Variants in STK32B observed in about 807,000 individuals in gnomAD.
STK32B encodes the protein serine/threonine kinase 32B, also known as serine/threonine-protein kinase 32B.
Under a neutral mutation model 52.6 loss-of-function variants are expected in STK32B, and 43 were observed. The ratio of observed to expected loss-of-function variants is 0.82; its 90% CI spans 0.64 to 1.05. The LOEUF (loss-of-function observed/expected upper bound fraction) is 1.05, where lower values mean the gene tolerates loss of function less well. Ranked by LOEUF, STK32B falls within the 50% of genes least tolerant of loss-of-function variation. The pLI, the probability that STK32B is intolerant of heterozygous loss-of-function variation, is 0.00. For missense variants in STK32B, 621 were observed against 534.6 expected, an observed-to-expected ratio of 1.16 and a Z score of -1.59; for synonymous variants, 238 against 204.3, an observed-to-expected ratio of 1.17 and a Z score of -1.41.
At chr4:5,388,247 C>G (rs952442356) in intron 4 of STK32B, among the ~76,000 whole-genome samples, 7 of 152,192 alleles carry the variant, frequency 4.6e-5, no homozygotes, top group Admixed American at 3.9e-4. Context: ...GGCGTCCACT[C>G]CTCCATGTTT....
intron 2 of STK32B, among the ~76,000 whole-genome samples, chr4:5,160,443 C>T (rs963753338): frequency 4.6e-5 from 7 of 152,320 alleles, no homozygotes; most frequent in Middle Eastern, 3.4e-3. Flanking sequence ...GCTGTGCCCT[C>T]TCCTGGTAAC....
chr4:5,416,991 C>T, intron 6 of STK32B, 57 bp downstream of exon 6: 1 of 1,486,530 alleles, frequency 6.7e-7, no homozygotes, highest in Non-Finnish European at 9.2e-7. Context: ...TAAGACTCAG[C>T]ATCCTTCTCT....
At chr4:5,174,003 A>ATATATTTAGGGTAGT (rs1719611254) in intron 3 of STK32B, among the ~76,000 whole-genome samples, 1 of 152,174 alleles carries the variant, frequency 6.6e-6, no homozygotes, top group Non-Finnish European at 1.5e-5. Flanking sequence ...TTGGGTGCAT[A>ATATATTTAGGGTAGT]TATATTTAGG....
At chr4:5,342,618 T>G (rs1200506623) in intron 4 of STK32B, among the ~76,000 whole-genome samples, 1 of 152,088 alleles carries the variant, frequency 6.6e-6, no homozygotes, top group African/African-American at 2.4e-5. Flanking sequence ...CTCCCCAGGA[T>G]CCAATCACCT....
chr4:5,121,849 A>G (rs1439724625), intron 1 of STK32B, among the ~76,000 whole-genome samples: 2 of 152,152 alleles, frequency 1.3e-5, no homozygotes, highest in Non-Finnish European at 2.9e-5. Flanking sequence ...CATCCTGTTC[A>G]GGAGACTTGT....
intron 5 of STK32B, among the ~76,000 whole-genome samples, chr4:5,413,156 A>AC (rs1188736410): frequency 1.3e-5 from 2 of 151,960 alleles, no homozygotes; most frequent in Non-Finnish European, 2.9e-5. Context: ...CCCTATAACT[A>AC]CCCCACAAGG....
At chr4:5,304,999 TAC>T (rs1560300686) in intron 3 of STK32B, among the ~76,000 whole-genome samples, 3 of 152,198 alleles carry the variant, frequency 2.0e-5, no homozygotes, top group African/African-American at 7.2e-5. Context: ...TTTATTGACT[TAC>T]ATATGTGAAA....
intron 4 of STK32B, among the ~76,000 whole-genome samples, chr4:5,374,962 C>A (rs1409198199): frequency 6.6e-6 from 1 of 152,162 alleles, no homozygotes; most frequent in Non-Finnish European, 1.5e-5. Context: ...ATACTAGAGT[C>A]CAATTGAGAC....
intron 3 of STK32B, among the ~76,000 whole-genome samples, chr4:5,249,101 C>G (rs1238614971): frequency 1.3e-5 from 2 of 152,094 alleles, no homozygotes; most frequent in African/African-American, 2.4e-5. Flanking sequence ...AATAAAGATA[C>G]TATGCCTTTC....
At chr4:5,182,301 T>C (rs1000607940) in intron 3 of STK32B, among the ~76,000 whole-genome samples, 1 of 152,154 alleles carries the variant, frequency 6.6e-6, no homozygotes, top group Non-Finnish European at 1.5e-5. Flanking sequence ...TCTAAACTCC[T>C]GTTAATGGTG....
intron 1 of STK32B, among the ~76,000 whole-genome samples, chr4:5,080,101 A>G (rs914849266): frequency 5.3e-5 from 8 of 152,116 alleles, no homozygotes; most frequent in Non-Finnish European, 1.0e-4. Flanking sequence ...CACAGAAGCC[A>G]GGGTCTTCTC....
chr4:5,338,764 G>C (rs10030554), intron 4 of STK32B, among the ~76,000 whole-genome samples: 1 of 151,904 alleles, frequency 6.6e-6, no homozygotes, highest in Non-Finnish European at 1.5e-5. Context: ...TCTGCTCTTA[G>C]ATTCCAGATC....
In STK32B at chr4:5,424,424, T is replaced by C. The variant is rs547535918; in HGVS notation, c.562+7490T>C. On this transcript the variant is annotated intron_variant, in intron 6 of 11. Transcript: ENST00000282908. ...CGGAGTGAGAACTTGTGATGCTTTT[T>C]CCAGGCCCACCCATGGCCACCCATG... Among the ~76,000 whole-genome samples the C allele has an allele frequency of 3.3e-5, 5 of 152,302 alleles. No individual in the cohort carries two copies. In the South Asian group the frequency reaches 1.0e-3, roughly 32 times the overall value.
chr4:5,418,608 G>T (rs1397492125), intron 6 of STK32B, among the ~76,000 whole-genome samples: 1 of 152,188 alleles, frequency 6.6e-6, no homozygotes, highest in African/African-American at 2.4e-5. Flanking sequence ...TTTATAGGCG[G>T]TACCTAACCA....
intron 3 of STK32B, among the ~76,000 whole-genome samples, chr4:5,317,384 CA>C (rs1731132341): frequency 1.4e-5 from 1 of 69,548 alleles, no homozygotes; most frequent in Admixed American, 2.0e-4. Flanking sequence ...ATATATATTA[CA>C]TATATATAAT....
intron 11 of STK32B, among the ~76,000 whole-genome samples, chr4:5,473,978 G>T (rs1718037049): frequency 6.6e-6 from 1 of 152,114 alleles, no homozygotes; most frequent in Admixed American, 6.5e-5. Flanking sequence ...GTCTGGTGTG[G>T]TGGTACATAC....
the STK32B span, among the ~76,000 whole-genome samples, chr4:5,019,921 A>G: frequency 6.6e-6 from 1 of 152,160 alleles, no homozygotes; most frequent in Non-Finnish European, 1.5e-5. Context: ...CCCTCCCTCC[A>G]GGCAGCCCGC....
chr4:5,481,279 CTGGTGTGAGA>C (rs1412377804), intron 11 of STK32B, among the ~76,000 whole-genome samples: 1 of 152,170 alleles, frequency 6.6e-6, no homozygotes, highest in Non-Finnish European at 1.5e-5. Flanking sequence ...GCCATTCTAA[CTGGTGTGAGA>C]TGGTATCTCA....
At chr4:5,247,954 T>A (rs951687204) in intron 3 of STK32B, among the ~76,000 whole-genome samples, 6 of 152,160 alleles carry the variant, frequency 3.9e-5, no homozygotes, top group African/African-American at 1.4e-4. Flanking sequence ...AACACATGCC[T>A]CTTTTTACTC....
Sources: allele counts gnomAD v4.1 joint callset (sites outside exome capture counted in the v4.1 genomes callset), GRCh38; gene constraint gnomAD v4.1.1; transcripts MANE v1.5; gene names NCBI Gene and HGNC (gene_info 2026-07-23, HGNC 2026-07-21).